CSMD1: variants seen among roughly 807,000 people sequenced by gnomAD.
CSMD1 encodes the protein CUB and sushi domain-containing protein 1.
Under a neutral mutation model 417.5 loss-of-function variants are expected in CSMD1, and 213 were observed. The observed-to-expected ratio is 0.51, with a 90% CI of 0.46 to 0.57. CSMD1 has a LOEUF of 0.57. Ranked by LOEUF, CSMD1 falls within the 20% of genes least tolerant of loss-of-function variation. The pLI is 0.00. For synonymous variants in CSMD1, 2,862 were observed against 1,736.8 expected, an observed-to-expected ratio of 1.65 and a Z score of -16.11; for missense variants, 6,923 against 4,529.7, an observed-to-expected ratio of 1.53 and a Z score of -15.17.
At chr8:4,540,511 C>T (rs1407710322) in intron 2 of CSMD1, among the ~76,000 whole-genome samples, 1 of 152,056 alleles carries the variant, frequency 6.6e-6, no homozygotes, top group Non-Finnish European at 1.5e-5. Context: ...CCAGACCAGC[C>T]TGGGCAACAG....
chr8:4,155,114 G>A (rs551409823), intron 3 of CSMD1, among the ~76,000 whole-genome samples: 15 of 152,232 alleles, frequency 9.9e-5, no homozygotes, highest in African/African-American at 3.4e-4. Flanking sequence ...GCCACATGAC[G>A]CGCATGCACT....
At chr8:3,585,985 C>G in intron 9 of CSMD1, 151 bp downstream of exon 9, 1 of 785,220 alleles carries the variant, frequency 1.3e-6, no homozygotes, top group Non-Finnish European at 1.9e-6. Context: ...GGAAAGGTTT[C>G]TGTTATTACC....
rs575334907 is a variant in CSMD1 at position 2,950,881 on chromosome 8, G to T, written c.10201+233C>A. On this transcript the variant is annotated intron_variant, in intron 66 of 69. Transcript: ENST00000635120. Reference sequence around the variant, plus strand: ...GAATCTCAGATTCTTGACTTAATATGTGCATAATTTTGAGCAAATCAGTTC... The same window carrying T: ...GAATCTCAGATTCTTGACTTAATATTTGCATAATTTTGAGCAAATCAGTTC... Among the ~76,000 whole-genome samples the T allele has an allele frequency of 1.3e-3, 202 of 152,246 alleles. 2 individuals are homozygous for T. The highest frequency in any genetic ancestry group is 4.7e-3 in the African/African-American group (194 of 41,560).
chr8:4,066,911 T>C lies in CSMD1; in HGVS notation c.416-34812A>G, dbSNP rs1799281402. On this transcript the variant is annotated intron_variant, in intron 3 of 69. Transcript: ENST00000635120. ...CAAACGTAACTATAACATTATGCTT[T>C]AAGTAAAGTGACAAATGCTATTTGT... is the stretch of plus-strand genomic sequence containing the variant. Among the ~76,000 whole-genome samples the C allele has an allele frequency of 2.6e-5, 4 of 152,332 alleles. No homozygotes were observed. In the South Asian group the frequency reaches 8.3e-4, roughly 32 times the overall value.
chr8:2,975,550 G>A (rs974438040), intron 55 of CSMD1, among the ~76,000 whole-genome samples: 5 of 152,102 alleles, frequency 3.3e-5, no homozygotes, highest in South Asian at 2.1e-4. Context: ...CATATCAGCC[G>A]TCACTTTCTG....
chr8:3,099,971 A>G (rs1815612501), intron 46 of CSMD1, among the ~76,000 whole-genome samples: 1 of 152,104 alleles, frequency 6.6e-6, no homozygotes, highest in African/African-American at 2.4e-5. Context: ...ACTTAGCAAT[A>G]CTTTTTTCAG....
Position 3,387,584 on chromosome 8 carries a change from T to G in CSMD1, c.2692A>C (p.Ser898Arg). ...CTTAGTGTGTACCCCGGGTCACAGCTGAAAGTCACTGTGGACCTGATGCCA... is the reference window on the plus strand; with the variant it reads ...CTTAGTGTGTACCCCGGGTCACAGCGGAAAGTCACTGTGGACCTGATGCCA... ...DFGIRSTVTFSCDPGYTLSDD... is the reference protein window; with the variant it reads ...DFGIRSTVTFRCDPGYTLSDD... Residue 898 changes from serine (S) to arginine (R), a missense_variant, in exon 18 of 70, where the codon AGC (serine) becomes CGC (arginine). By Grantham distance (110) the Ser-to-Arg change is moderately radical. Coordinates refer to ENST00000635120, the MANE Select transcript of CSMD1 (RefSeq NM_033225.6). 6.2e-7 allele frequency: 1 copy of G among 1,600,768 alleles called. No individual in the cohort carries two copies. The highest frequency in any genetic ancestry group is 8.5e-7 in the Non-Finnish European group (1 of 1,173,614).
intron 2 of CSMD1, among the ~76,000 whole-genome samples, chr8:4,555,292 G>T (rs766695017): frequency 7.9e-5 from 12 of 152,096 alleles, no homozygotes; most frequent in Non-Finnish European, 1.3e-4. Context: ...AAAAAAGACA[G>T]GTGCAGTGGC....
chr8:4,297,060 G>C (rs907595351), intron 3 of CSMD1, among the ~76,000 whole-genome samples: 1 of 142,572 alleles, frequency 7.0e-6, no homozygotes, highest in Non-Finnish European at 1.5e-5. Flanking sequence ...AAAATGGTCG[G>C]ATGGGTTAGA....
At chr8:3,389,090 G>A (rs5023365) in intron 17 of CSMD1, among the ~76,000 whole-genome samples, 71,664 of 151,912 alleles carry the variant, frequency 0.47, 17,328 homozygotes, top group African/African-American at 0.57. Context: ...CCCAGTGCTG[G>A]GTGAATGATT....
At chr8:3,371,265 T>C (rs1194325869) in intron 18 of CSMD1, among the ~76,000 whole-genome samples, 1 of 152,158 alleles carries the variant, frequency 6.6e-6, no homozygotes, top group Non-Finnish European at 1.5e-5. Context: ...CACTGACTAA[T>C]ACATCCACTT....
At chr8:3,481,352 T>C (rs983761801) in intron 11 of CSMD1, among the ~76,000 whole-genome samples, 7 of 152,106 alleles carry the variant, frequency 4.6e-5, no homozygotes, top group Admixed American at 2.0e-4. Context: ...TCCATAAATC[T>C]TACTTAATGA....
chr8:3,081,282 T>C (rs1814078884), intron 49 of CSMD1, among the ~76,000 whole-genome samples: 1 of 152,202 alleles, frequency 6.6e-6, no homozygotes, highest in Non-Finnish European at 1.5e-5. Flanking sequence ...CGAATGTCCT[T>C]TATGCATTCA....
chr8:4,613,308 G>C (rs924458418), intron 2 of CSMD1, among the ~76,000 whole-genome samples: 2 of 152,158 alleles, frequency 1.3e-5, no homozygotes, highest in Admixed American at 6.6e-5. Flanking sequence ...CATTGCACTA[G>C]AGTAGACACC....
chr8:4,731,690 G>A (rs772079456), intron 1 of CSMD1, among the ~76,000 whole-genome samples: 10 of 152,272 alleles, frequency 6.6e-5, no homozygotes, highest in Non-Finnish European at 1.0e-4. Context: ...GACTAGCACT[G>A]TTTCAAAGCT....
At chr8:4,221,987 C>A (rs1171404192) in intron 3 of CSMD1, among the ~76,000 whole-genome samples, 3 of 151,956 alleles carry the variant, frequency 2.0e-5, no homozygotes, top group South Asian at 2.1e-4. Flanking sequence ...AGCTGTCCAC[C>A]CAACGGTCTG....
At position 4,958,440 on chromosome 8, in the gene CSMD1, G is replaced by T. The variant is rs1425256080; in HGVS notation, c.85+35892C>A. On this transcript the variant is annotated intron_variant, in intron 1 of 69. Transcript: ENST00000635120. ...AAGTCTATAATAAAGGTAGATGAAG[G>T]TTAAAAGTATTAACAGAAAACTGCA... 2.0e-5 allele frequency among the ~76,000 whole-genome samples: 3 copies of T among 152,230 alleles called. No individual in the cohort carries two copies. The South Asian group carries it at 6.2e-4, about 32-fold the overall frequency.
At chr8:4,819,439 T>C (rs1257745824) in intron 1 of CSMD1, among the ~76,000 whole-genome samples, 1 of 150,180 alleles carries the variant, frequency 6.7e-6, no homozygotes, top group Non-Finnish European at 1.5e-5. Context: ...ATTTCCCAAC[T>C]GACTTATAGA....
chr8:4,590,291 G>C (rs943458923), intron 2 of CSMD1, among the ~76,000 whole-genome samples: 1 of 151,886 alleles, frequency 6.6e-6, no homozygotes, highest in East Asian at 1.9e-4. Flanking sequence ...AAAAGTTCTG[G>C]GAAGCAGACA....
Sources: allele counts gnomAD v4.1 joint callset (sites outside exome capture counted in the v4.1 genomes callset), GRCh38; gene constraint gnomAD v4.1.1; transcripts MANE v1.5; gene names NCBI Gene and HGNC (gene_info 2026-07-23, HGNC 2026-07-21).